Variants in KANK3 observed in about 807,000 individuals in gnomAD.
KANK3 encodes KN motif and ankyrin repeat domains 3, also known as KN motif and ankyrin repeat domain-containing protein 3.
A neutral mutation model predicts 65.4 loss-of-function variants in KANK3; 61 were observed. The ratio of observed to expected loss-of-function variants is 0.93; its 90% CI spans 0.76 to 1.15. The LOEUF is 1.15. Among genes scored for constraint, KANK3 ranks in the 50% most tolerant of loss-of-function variants. The pLI, the probability that KANK3 is intolerant of heterozygous loss-of-function variation, is 0.00. For synonymous variants in KANK3, 586 were observed against 543.3 expected, an observed-to-expected ratio of 1.08 and a Z score of -1.09; for missense variants, 1,187 against 1,178.8, an observed-to-expected ratio of 1.01 and a Z score of -0.10.
chr19:8,342,520 C>G (rs1970734019), intron 1 of KANK3, among the ~76,000 whole-genome samples: 1 of 152,218 alleles, frequency 6.6e-6, no homozygotes, highest in African/African-American at 2.4e-5. Flanking sequence ...TCTCCCGCCC[C>G]AGGGACTATT....
intron 1 of KANK3, among the ~76,000 whole-genome samples, chr19:8,339,816 T>C (rs1970698734): frequency 6.6e-6 from 1 of 151,904 alleles, no homozygotes; most frequent in Non-Finnish European, 1.5e-5. Flanking sequence ...ACACAAAAAT[T>C]AGCTGGATGT....
rs758287543 is a variant in KANK3, at chr19:8,324,795, A to G, written c.2118T>C (p.His706=). Residue 706 remains histidine (H), a synonymous_variant, in exon 9 of 11, where the codon CAT becomes CAC. Transcript: ENST00000330915. ...GQTALMLAIS[H]GRQDMVATLL... ...GGGTTGCCACCATGTCCTGTCGGCCATGGCTGATGGCCAGCATGAGGGCTG... is the reference window on the plus strand; with the variant it reads ...GGGTTGCCACCATGTCCTGTCGGCCGTGGCTGATGGCCAGCATGAGGGCTG... 1.9e-5 allele frequency: 30 copies of G among 1,613,440 alleles called. No homozygotes were observed. In the South Asian group the frequency reaches 2.3e-4, roughly 12 times the overall value.
chr19:8,335,493 A>G lies in KANK3; in HGVS notation c.334T>C (p.Ser112Pro). ...APGILSQGAPSGLLMQPLSPR... is the reference protein window; with the variant it reads ...APGILSQGAPPGLLMQPLSPR... ...GACAGCGGCTGCATCAGGAGCCCCGAGGGCGCGCCCTGGGAGAGTATGCCC... is the reference window on the plus strand; with the variant it reads ...GACAGCGGCTGCATCAGGAGCCCCGGGGGCGCGCCCTGGGAGAGTATGCCC... The change falls in exon 3 of 11, where the codon TCG becomes CCG. Residue 112 changes from serine to proline, a missense_variant. By Grantham distance (74) the Ser-to-Pro change is moderately conservative. This residue lies in a region of KANK3 where 1,078 missense variants were observed against 1,038.2 expected (regional missense o/e 1.04). Transcript: ENST00000330915. 8.1e-7 allele frequency: 1 copy of G among 1,237,600 alleles called. No individual in the cohort carries two copies. Among genetic ancestry groups the G allele is most frequent in the Non-Finnish European group, 1.0e-6 (1 of 985,580 alleles). The allele number at this position is 1,237,600 out of a possible 1,614,324, so 76.7% of individuals were successfully genotyped here. A position where few individuals can be genotyped will look rare whatever the true frequency, so the allele number is the denominator to read the frequency against.
At chr19:8,329,492 C>CAAAAAAAAAAAAAAAAAAAAAA (rs59607185) in intron 7 of KANK3, among the ~76,000 whole-genome samples, 1 of 51,104 alleles carries the variant, frequency 2.0e-5, no homozygotes, top group Non-Finnish European at 3.7e-5. Context: ...GACTCGGCCT[C>CAAAAAAAAAAAAAAAAAAAAAA]AAAAAAAAAA....
chr19:8,323,038 G>A (rs1452361982), intron 10 of KANK3, 116 bp from the exon 11 acceptor site: 3 of 583,600 alleles, frequency 5.1e-6, no homozygotes, highest in Non-Finnish European at 8.6e-6. Flanking sequence ...AGGCTGCCTG[G>A]TTTGTATCCA....
Position 8,322,849 on chromosome 19 carries a change from T to C in KANK3, c.2456A>G (p.Gln819Arg). 1 of 1,602,418 alleles carries C rather than the reference T, an allele frequency of 6.2e-7. No individual in the cohort carries two copies. ...GECGDNGENPQVQ is the reference protein window; with the variant it reads ...GECGDNGENPRVQ ...GCCAGACGAGGCAGCTTACTGAACC[T>C]GGGGGTTCTCTCCATTGTCACCGCA... Residue 819 changes from glutamine to arginine, a missense_variant, in exon 11 of 11, where the codon CAG becomes CGG. This residue lies in a region of KANK3 where 1,078 missense variants were observed against 1,038.2 expected (regional missense o/e 1.04). Transcript: ENST00000330915.
In KANK3 at chr19:8,329,096, G is replaced by A. The variant is rs148703863; in HGVS notation, c.1936+3918C>T. Among the ~76,000 whole-genome samples, 1,502 of 151,062 alleles carry A rather than the reference G, an allele frequency of 9.9e-3. 29 individuals carry two copies. Among genetic ancestry groups the A allele is most frequent in the African/African-American group, 0.035 (1,454 of 41,020 alleles). ...TGAGGAAGGAGAATGGCATGAACCC[G>A]GGAGGCAGACCTTGCAGTGAGCCGA... On this transcript the variant is annotated intron_variant, in intron 7 of 10. Transcript: ENST00000330915.
At chr19:8,335,910 G>T in intron 2 of KANK3, 118 bp from the exon 3 acceptor site, 1 of 681,272 alleles carries the variant, frequency 1.5e-6, no homozygotes, top group Non-Finnish European at 2.1e-6. Context: ...CTGTACCCAA[G>T]TATTAACTCA....
intron 1 of KANK3, among the ~76,000 whole-genome samples, chr19:8,338,768 G>C (rs552289814): frequency 6.6e-6 from 1 of 151,302 alleles, no homozygotes; most frequent in East Asian, 1.9e-4. Context: ...CCAGCTACTC[G>C]GGAGGCTGAG....
Position 8,336,433 on chromosome 19 carries a change from CAA to C in KANK3, c.35-643_35-642del, listed in dbSNP as rs71175838. ...GCCTGGGCGACAGAAGAGAACCTCT[CAA>C]AAAAAAAAAAAAGTAGCCCTGGCCG... On this transcript the variant is annotated intron_variant, in intron 2 of 10. Coordinates refer to ENST00000330915, the MANE Select transcript of KANK3 (RefSeq NM_198471.3). 2.2e-4 allele frequency among the ~76,000 whole-genome samples: 30 copies of C among 134,314 alleles called. 1 individual carries two copies. Among genetic ancestry groups the C allele is most frequent in the Admixed American group, 2.3e-4 (3 of 12,956 alleles). The allele number at this position is 134,314 out of a possible 152,430, so 88.1% of individuals were successfully genotyped here. A position where few individuals can be genotyped will look rare whatever the true frequency, so the allele number is the denominator to read the frequency against.
intron 7 of KANK3, among the ~76,000 whole-genome samples, chr19:8,331,704 T>A (rs1220697118): frequency 3.3e-5 from 5 of 151,908 alleles, no homozygotes; most frequent in Non-Finnish European, 7.4e-5. Context: ...GGTGAGTACC[T>A]CCCCTCCAGG....
chr19:8,324,351 C>T lies in KANK3; in HGVS notation c.2382+98G>A, dbSNP rs1299430339. 8 of 1,144,104 alleles carry T rather than the reference C, an allele frequency of 7.0e-6. No individual in the cohort carries two copies. In the African/African-American group the frequency reaches 9.2e-5, roughly 13 times the overall value. 70.9% of individuals were successfully genotyped at this position (1,144,104 alleles called of 1,614,324 possible). On this transcript the variant is annotated intron_variant, in intron 10 of 10. Transcript: ENST00000330915. ...ACTGGTTCTGCACCCCTGGTGCCAC[C>T]TTTGGGGAGCAGAAAGGGAGGCTCA...
rs769517215 is a variant in KANK3, at chr19:8,324,439, C to G, written c.2382+10G>C. On this transcript the variant is annotated intron_variant, in intron 10 of 10. Coordinates refer to ENST00000330915, the MANE Select transcript of KANK3 (RefSeq NM_198471.3). The stretch of plus-strand genomic sequence containing the variant: ...CTGGGAAAGTTTGTTTCTTCCAGAG[C>G]TGTGCTCACCTGGGTGTCGGGCTGG... The G allele has an allele frequency of 6.3e-7, 1 of 1,586,594 alleles. No individual in the cohort carries two copies. The highest frequency in any genetic ancestry group is 2.3e-5 in the East Asian group (1 of 43,094).
intron 4 of KANK3, 49 bp from the exon 5 acceptor site, chr19:8,334,165 T>C: frequency 6.7e-7 from 1 of 1,490,376 alleles, no homozygotes; most frequent in Non-Finnish European, 8.9e-7. Context: ...GTGGGCTCGT[T>C]CTGGAGTCCT....
At position 8,335,348 on chromosome 19, in the gene KANK3, C is replaced by A; in HGVS notation, c.479G>T (p.Ser160Ile). 1 of 1,194,028 alleles carries A rather than the reference C, an allele frequency of 8.4e-7. No individual in the cohort carries two copies. The highest frequency in any genetic ancestry group is 1.0e-6 in the Non-Finnish European group (1 of 964,084). The allele number at this position is 1,194,028 out of a possible 1,614,324, so 74.0% of individuals were successfully genotyped here. The change falls in exon 3 of 11, where the codon AGC (serine) becomes ATC (isoleucine). Residue 160 changes from serine to isoleucine, a missense_variant. Coordinates refer to ENST00000330915, the MANE Select transcript of KANK3 (RefSeq NM_198471.3). The stretch of plus-strand genomic sequence containing the variant: ...GCTGCTGCGGCCGGACCCGCGTGGG[C>A]TGCGCGGGACCCCGCGGCCGGGGCT... ...APSPGRGVPR[S>I]PRGSGRSSPA...
At chr19:8,325,296 CTTTTTTTT>C (rs573315741) in intron 7 of KANK3, among the ~76,000 whole-genome samples, 200 bp from the exon 8 acceptor site, 1,051 of 78,644 alleles carry the variant, frequency 0.013, 28 homozygotes, top group African/African-American at 0.055. Context: ...CCTGTTTCAT[CTTTTTTTT>C]TTTTTTTTTT....
intron 7 of KANK3, among the ~76,000 whole-genome samples, chr19:8,332,415 T>C (rs1224228555): frequency 6.6e-6 from 1 of 151,516 alleles, no homozygotes; most frequent in Non-Finnish European, 1.5e-5. Context: ...TGACCTCAAG[T>C]GATCTGCCCA....
rs750890886 is a variant in KANK3 at position 8,334,970 on chromosome 19, A to T, written c.857T>A (p.Val286Asp). The T allele has an allele frequency of 1.9e-5, 29 of 1,492,964 alleles. No homozygotes were observed. In the East Asian group the frequency reaches 8.3e-4, roughly 43 times the overall value. 92.5% of individuals were successfully genotyped at this position (1,492,964 alleles called of 1,614,324 possible). A position where few individuals can be genotyped will look rare whatever the true frequency, so the allele number is the denominator to read the frequency against. ...AAGRSEGALQVLDGEVGSLDG... is the reference protein window; with the variant it reads ...AAGRSEGALQDLDGEVGSLDG... ...GAGACTCCCGACCTCCCCGTCGAGG[A>T]CCTGGAGCGCGCCCTCGCTGCGCCC... Residue 286 changes from valine to aspartate, a missense_variant, in exon 3 of 11, where the codon GTC (valine) becomes GAC (aspartate). This residue lies in a region of KANK3 where 1,078 missense variants were observed against 1,038.2 expected (regional missense o/e 1.04). Coordinates refer to ENST00000330915, the MANE Select transcript of KANK3 (RefSeq NM_198471.3).
chr19:8,335,382 G>A lies in KANK3; in HGVS notation c.445C>T (p.Arg149Cys). 8.3e-7 allele frequency: 1 copy of A among 1,199,038 alleles called. No individual in the cohort carries two copies. The highest frequency in any genetic ancestry group is 1.0e-6 in the Non-Finnish European group (1 of 967,164). The allele number at this position is 1,199,038 out of a possible 1,614,324, so 74.3% of individuals were successfully genotyped here. A position where few individuals can be genotyped will look rare whatever the true frequency, so the allele number is the denominator to read the frequency against. Residue 149 changes from arginine (R) to cysteine (C), a missense_variant, in exon 3 of 11, where the codon CGC (arginine) becomes TGC (cysteine). Coordinates refer to ENST00000330915, the MANE Select transcript of KANK3 (RefSeq NM_198471.3). ...ACCCCGCGGCCGGGGCTGGGCGCGCGCTCGTGTGTCTGCGCCAGCTCCAGC... is the reference window on the plus strand; with the variant it reads ...ACCCCGCGGCCGGGGCTGGGCGCGCACTCGTGTGTCTGCGCCAGCTCCAGC... ...RRLELAQTHE[R>C]APSPGRGVPR...
Sources: gnomAD v4.1 joint callset for allele counts (sites outside exome capture counted in the v4.1 genomes callset) on GRCh38, gnomAD v4.1.1 for gene constraint, gnomAD v4.1.1 regional missense constraint, MANE v1.5 for transcripts, NCBI Gene and HGNC (gene_info 2026-07-23, HGNC 2026-07-21) for gene names.